The following PHACTR1 variants were observed in gnomAD, a reference collection of about 807,000 sequenced individuals.
PHACTR1 encodes the protein phosphatase and actin regulator 1.
In PHACTR1, 16 loss-of-function variants were observed where a neutral mutation model predicts 69.2. The ratio of observed to expected loss-of-function variants is 0.23; its 90% CI spans 0.16 to 0.35. The LOEUF is 0.35. Ranked by LOEUF, PHACTR1 falls within the 10% of genes least tolerant of loss-of-function variation. The pLI is 1.00. For missense variants in PHACTR1, 510 were observed against 734.7 expected (o/e 0.69, Z 3.54); for synonymous variants, 312 against 284.5 (o/e 1.10, Z -0.97).
At chr6:12,882,718 TG>T (rs1246899483) in intron 4 of PHACTR1, among the ~76,000 whole-genome samples, 5 of 152,186 alleles carry the variant, frequency 3.3e-5, no homozygotes, top group Non-Finnish European at 7.3e-5. Flanking sequence ...ATCGCCCTTC[TG>T]GAAGGGTGGC....
intron 8 of PHACTR1, among the ~76,000 whole-genome samples, chr6:13,220,670 A>G (rs1458229232): frequency 6.6e-6 from 1 of 152,226 alleles, no homozygotes; most frequent in Non-Finnish European, 1.5e-5. Flanking sequence ...TCTTCTTAGG[A>G]AAAAGACCTC....
chr6:13,014,772 G>A (rs1799919390), intron 4 of PHACTR1, among the ~76,000 whole-genome samples: 1 of 152,244 alleles, frequency 6.6e-6, no homozygotes, highest in Non-Finnish European at 1.5e-5. Context: ...GTGAGCCTGG[G>A]CGTGTGCGAG....
chr6:12,954,248 G>C (rs972130563), intron 4 of PHACTR1, among the ~76,000 whole-genome samples: 7 of 152,042 alleles, frequency 4.6e-5, no homozygotes, highest in African/African-American at 1.7e-4. Context: ...AATGCTCCCA[G>C]GGCCACTTTA....
At chr6:12,887,606 C>T (rs762251374) in intron 4 of PHACTR1, among the ~76,000 whole-genome samples, 2 of 152,166 alleles carry the variant, frequency 1.3e-5, no homozygotes, top group Non-Finnish European at 2.9e-5. Flanking sequence ...TACTCATGCC[C>T]TCATTTGCCA....
chr6:12,803,395 A>G (rs373581115), intron 4 of PHACTR1, among the ~76,000 whole-genome samples: 3 of 152,142 alleles, frequency 2.0e-5, no homozygotes, highest in African/African-American at 7.2e-5. Flanking sequence ...GGAGGAGGAG[A>G]CATATTAGGG....
chr6:12,933,973 A>T, intron 4 of PHACTR1: 3 of 1,553,424 alleles, frequency 1.9e-6, no homozygotes, highest in Non-Finnish European at 2.6e-6. Context: ...TTGCTGTAAC[A>T]AAGTACCACA....
chr6:12,924,723 C>A (rs140219427), intron 4 of PHACTR1, among the ~76,000 whole-genome samples: 15 of 148,764 alleles, frequency 1.0e-4, no homozygotes, highest in Non-Finnish European at 1.6e-4. Flanking sequence ...TGCAGTGAGC[C>A]GAGATCACAC....
At chr6:12,786,347 T>A (rs539646998) in intron 4 of PHACTR1, among the ~76,000 whole-genome samples, 1 of 152,356 alleles carries the variant, frequency 6.6e-6, no homozygotes, top group African/African-American at 2.4e-5. Context: ...GACTCTTGAA[T>A]AGGAAAATAA....
intron 4 of PHACTR1, among the ~76,000 whole-genome samples, chr6:13,009,181 TA>T (rs1227629092): frequency 6.6e-6 from 1 of 152,228 alleles, no homozygotes; most frequent in Non-Finnish European, 1.5e-5. Flanking sequence ...GAATCTAGGA[TA>T]ATCTCCTCAT....
In PHACTR1 at chr6:13,277,439, T is replaced by C. The variant is rs61010377; in HGVS notation, c.1448-829T>C. Reference sequence around the variant, plus strand: ...CAGGGCTTGTGAAAGGTGAGCGTTTTGAAATTCCTCCTGCCTTGTCTTGTT... The same window carrying C: ...CAGGGCTTGTGAAAGGTGAGCGTTTCGAAATTCCTCCTGCCTTGTCTTGTT... On this transcript the variant is annotated intron_variant, in intron 11 of 14. Transcript: ENST00000332995. 7.5e-3 allele frequency among the ~76,000 whole-genome samples: 1,141 copies of C among 152,328 alleles called. 12 individuals are homozygous for C. The highest frequency in any genetic ancestry group is 0.026 in the African/African-American group (1,097 of 41,554).
chr6:13,077,063 C>T (rs1419506612), intron 5 of PHACTR1, among the ~76,000 whole-genome samples: 4 of 143,808 alleles, frequency 2.8e-5, no homozygotes, highest in Non-Finnish European at 6.0e-5. Flanking sequence ...GCACAATGTG[C>T]ACATGTACCC....
At chr6:13,047,877 G>T (rs180846728) in intron 4 of PHACTR1, among the ~76,000 whole-genome samples, 68 of 152,032 alleles carry the variant, frequency 4.5e-4, no homozygotes, top group Non-Finnish European at 1.2e-4. Context: ...CCTGAGGAGC[G>T]CCCCGAGCCC....
chr6:12,795,978 A>T (rs924536226), intron 4 of PHACTR1, among the ~76,000 whole-genome samples: 3 of 152,118 alleles, frequency 2.0e-5, no homozygotes, highest in Non-Finnish European at 2.9e-5. Flanking sequence ...AAGTTAGAAA[A>T]TTTTCAACAT....
chr6:13,016,968 C>T (rs1800265889), intron 4 of PHACTR1, among the ~76,000 whole-genome samples: 1 of 152,156 alleles, frequency 6.6e-6, no homozygotes, highest in South Asian at 2.1e-4. Context: ...CTGTGGATCA[C>T]TTGAGGTCAA....
At chr6:12,779,761 A>G (rs1239130600) in intron 4 of PHACTR1, among the ~76,000 whole-genome samples, 2 of 152,194 alleles carry the variant, frequency 1.3e-5, no homozygotes, top group East Asian at 1.9e-4. Context: ...GGCATCTTCT[A>G]TGGCAGGGTT....
intron 5 of PHACTR1, among the ~76,000 whole-genome samples, chr6:13,069,687 A>G (rs1809218814): frequency 6.6e-6 from 1 of 152,132 alleles, no homozygotes; most frequent in South Asian, 2.1e-4. Flanking sequence ...TCCCAGGTAG[A>G]ATGTGCTTCA....
intron 10 of PHACTR1, among the ~76,000 whole-genome samples, chr6:13,242,313 A>G (rs982374478): frequency 2.0e-5 from 3 of 152,190 alleles, no homozygotes; most frequent in African/African-American, 7.2e-5. Context: ...AGTGTGGAAA[A>G]CATAGAGAAG....
chr6:12,772,089 T>C (rs1769458183), intron 4 of PHACTR1, among the ~76,000 whole-genome samples: 1 of 152,124 alleles, frequency 6.6e-6, no homozygotes, highest in South Asian at 2.1e-4. Context: ...TTCCAGGACA[T>C]TGGCTGTGAG....
chr6:13,263,856 G>A (rs972803301), intron 10 of PHACTR1, among the ~76,000 whole-genome samples: 19 of 152,166 alleles, frequency 1.2e-4, no homozygotes, highest in Admixed American at 5.2e-4. Flanking sequence ...TGACCACGTC[G>A]TCGTGCTCTG....
Sources: allele counts gnomAD v4.1 joint callset (sites outside exome capture counted in the v4.1 genomes callset), GRCh38; gene constraint gnomAD v4.1.1; transcripts MANE v1.5; gene names NCBI Gene and HGNC (gene_info 2026-07-23, HGNC 2026-07-21).